The following TMEM116 variants were observed in gnomAD, a reference collection of about 807,000 sequenced individuals.
The protein encoded by TMEM116 is transmembrane protein 116.
TMEM116 carries 38 observed loss-of-function variants against 44.3 expected under a neutral mutation model. The observed-to-expected ratio is 0.86, with a 90% CI of 0.66 to 1.12. The LOEUF (loss-of-function observed/expected upper bound fraction) is 1.12, where lower values mean the gene tolerates loss of function less well. TMEM116 is among the 50% of genes most tolerant of loss of function. TMEM116 has a pLI of 0.00. For missense variants in TMEM116, 354 were observed against 401.7 expected (o/e 0.88, Z 1.01); for synonymous variants, 132 against 144.8 (o/e 0.91, Z 0.64).
intron 4 of TMEM116, among the ~76,000 whole-genome samples, chr12:111,957,492 T>C (rs1565898768): frequency 6.8e-6 from 1 of 146,024 alleles, no homozygotes; most frequent in Non-Finnish European, 1.5e-5. Flanking sequence ...GTCCAGGAGG[T>C]GGGGGGCAGC....
chr12:111,946,378 G>A (rs115959434), intron 4 of TMEM116, among the ~76,000 whole-genome samples: 128 of 152,332 alleles, frequency 8.4e-4, no homozygotes, highest in African/African-American at 2.9e-3. Context: ...TCAGTAATAA[G>A]CATTAGTTCT....
In TMEM116 at chr12:112,005,241, G is replaced by T. The variant is rs1430126280; in HGVS notation, c.14+16C>A. 2.9e-6 allele frequency: 4 copies of T among 1,376,018 alleles called. No individual in the cohort carries two copies. The highest frequency in any genetic ancestry group is 3.7e-6 in the Non-Finnish European group (4 of 1,069,504). 85.2% of individuals were successfully genotyped at this position (1,376,018 alleles called of 1,614,324 possible). A position where few individuals can be genotyped will look rare whatever the true frequency, so the allele number is the denominator to read the frequency against. Reference sequence around the variant, plus strand: ...TGCTTATACTAGTTTAGTTATATGAGATTAAATAAACATACCTCAGAGTAG... The same window carrying T: ...TGCTTATACTAGTTTAGTTATATGATATTAAATAAACATACCTCAGAGTAG... On this transcript the variant is annotated intron_variant, in intron 2 of 10. Transcript: ENST00000552374.
chr12:112,004,755 C>A (rs1018151486), intron 2 of TMEM116, among the ~76,000 whole-genome samples: 4 of 151,948 alleles, frequency 2.6e-5, no homozygotes, highest in African/African-American at 9.7e-5. Context: ...GCTGGAACTA[C>A]AGACACATAC....
At chr12:111,964,367 G>A (rs1379317726) in intron 4 of TMEM116, among the ~76,000 whole-genome samples, 1 of 151,350 alleles carries the variant, frequency 6.6e-6, no homozygotes, top group East Asian at 1.9e-4. Flanking sequence ...ACTTGAACCC[G>A]GGAGATGGAG....
chr12:112,000,594 T>C (rs1481935376), intron 3 of TMEM116: 1 of 312,686 alleles, frequency 3.2e-6, no homozygotes, highest in African/African-American at 2.2e-5. Flanking sequence ...TGGCCCGATC[T>C]TGGCTTACTG....
intron 4 of TMEM116, among the ~76,000 whole-genome samples, chr12:111,973,653 A>C (rs944266823): frequency 6.6e-6 from 1 of 152,192 alleles, no homozygotes; most frequent in Non-Finnish European, 1.5e-5. Context: ...AATAATGAAG[A>C]TCAAAGCGGA....
At chr12:111,937,755 T>G (rs180962437) in intron 6 of TMEM116, among the ~76,000 whole-genome samples, 36 of 152,332 alleles carry the variant, frequency 2.4e-4, no homozygotes, top group Admixed American at 7.8e-4. Context: ...AACTCTGATA[T>G]GGCCACCACT....
rs1227380921 is a variant in TMEM116 at position 111,991,772 on chromosome 12, G to T, written c.196C>A (p.Gln66Lys). ...GTAGCACTCACCTGTCCAACTGCTT[G>T]TAGGTTATAGCAGATGATGTCCTTA... ...ANKDIICYNL[Q>K]AVGQIFYISS... The change falls in exon 4 of 11, where the codon CAA becomes AAA. Residue 66 changes from glutamine (Q) to lysine (K), a missense_variant. Transcript: ENST00000552374. The T allele has an allele frequency of 1.3e-6, 2 of 1,535,052 alleles. No homozygotes were observed. The highest frequency in any genetic ancestry group is 1.7e-6 in the Non-Finnish European group (2 of 1,146,290).
chr12:111,993,917 G>C (rs757550008), intron 3 of TMEM116: 6 of 703,244 alleles, frequency 8.5e-6, no homozygotes, highest in South Asian at 1.4e-5. Flanking sequence ...GTATGGAAGG[G>C]AATGTTTGTC....
intron 4 of TMEM116, among the ~76,000 whole-genome samples, chr12:111,989,859 T>C (rs571427513): frequency 6.6e-6 from 1 of 152,312 alleles, no homozygotes; most frequent in South Asian, 2.1e-4. Flanking sequence ...ATCTTGATTG[T>C]AGTGATGATT....
At chr12:111,955,418 A>C (rs2074012088) in intron 4 of TMEM116, among the ~76,000 whole-genome samples, 1 of 152,218 alleles carries the variant, frequency 6.6e-6, no homozygotes, top group African/African-American at 2.4e-5. Context: ...TTCCTGATCC[A>C]AAAATTCTAC....
chr12:111,995,059 T>A (rs1279435701), intron 3 of TMEM116, among the ~76,000 whole-genome samples: 1 of 152,166 alleles, frequency 6.6e-6, no homozygotes, highest in Non-Finnish European at 1.5e-5. Flanking sequence ...GAGAAGCACA[T>A]CACGCACTGT....
At chr12:111,951,710 G>C (rs2136318551) in intron 4 of TMEM116, among the ~76,000 whole-genome samples, 1 of 151,920 alleles carries the variant, frequency 6.6e-6, no homozygotes, top group East Asian at 1.9e-4. Flanking sequence ...ATAACTAATG[G>C]GTACTAGGCT....
chr12:111,991,174 G>C (rs1221798463), intron 4 of TMEM116, among the ~76,000 whole-genome samples: 2 of 139,276 alleles, frequency 1.4e-5, no homozygotes, highest in East Asian at 2.4e-4. Context: ...AGCCAAGATC[G>C]CGCCACTGCA....
chr12:112,000,942 C>G, intron 3 of TMEM116: 1 of 389,734 alleles, frequency 2.6e-6, no homozygotes, highest in Non-Finnish European at 5.1e-6. Context: ...GGCACTGACA[C>G]AGAGCAGGGC....
At chr12:112,005,874 T>C (rs2077554187) in intron 1 of TMEM116, 1 of 941,698 alleles carries the variant, frequency 1.1e-6, no homozygotes, top group African/African-American at 1.8e-5. Context: ...GAAAAGAGAT[T>C]GTGAGTGAAA....
At chr12:112,003,567 CAAAAA>C (rs374296039) in intron 3 of TMEM116, 10 of 277,570 alleles carry the variant, frequency 3.6e-5, no homozygotes, top group Non-Finnish European at 4.7e-5. Context: ...GACTCCGTCT[CAAAAA>C]AAAAAAAAAA....
intron 4 of TMEM116, 114 bp downstream of exon 4, chr12:111,991,644 A>C (rs1472843695): frequency 9.4e-7 from 1 of 1,058,414 alleles, no homozygotes; most frequent in Non-Finnish European, 1.3e-6. Flanking sequence ...TATTGTTTCA[A>C]AATGTAACAA....
chr12:111,973,094 C>T (rs1323568447), intron 4 of TMEM116, among the ~76,000 whole-genome samples: 1 of 152,104 alleles, frequency 6.6e-6, no homozygotes, highest in African/African-American at 2.4e-5. Context: ...GCTGAGATTG[C>T]ACCACTGCAC....
Sources: gnomAD v4.1 joint callset for allele counts (sites outside exome capture counted in the v4.1 genomes callset) on GRCh38, gnomAD v4.1.1 for gene constraint, MANE v1.5 for transcripts, NCBI Gene and HGNC (gene_info 2026-07-23, HGNC 2026-07-21) for gene names.